FSTL1: variants seen among roughly 807,000 people sequenced by gnomAD.
FSTL1 encodes follistatin-related protein 1.
A neutral mutation model predicts 45.9 loss-of-function variants in FSTL1; 24 were observed. The observed-to-expected ratio is 0.52, with a 90% CI of 0.38 to 0.74. FSTL1 has a LOEUF of 0.74. FSTL1 is among the 30% of genes least tolerant of loss of function. FSTL1 has a pLI of 0.00. For missense variants in FSTL1, 340 were observed against 381.8 expected (o/e 0.89, Z 0.91); for synonymous variants, 120 against 137.6 (o/e 0.87, Z 0.89).
At chr3:120,402,440 ATTG>A (rs1293461166) in intron 9 of FSTL1, among the ~76,000 whole-genome samples, 140 of 151,862 alleles carry the variant, frequency 9.2e-4, no homozygotes, top group African/African-American at 3.2e-3. Flanking sequence ...AATAATAATT[ATTG>A]TTTTTATTTT....
chr3:120,429,548 A>G (rs927822880), intron 2 of FSTL1, among the ~76,000 whole-genome samples: 2 of 152,202 alleles, frequency 1.3e-5, no homozygotes, highest in South Asian at 2.1e-4. Flanking sequence ...CTAACCTGGT[A>G]TCTATGGGCC....
chr3:120,437,082 T>C (rs1937575159), intron 2 of FSTL1, among the ~76,000 whole-genome samples: 1 of 152,214 alleles, frequency 6.6e-6, no homozygotes, highest in Non-Finnish European at 1.5e-5. Context: ...AATTTCACAC[T>C]ACAGTTTAGG....
intron 2 of FSTL1, among the ~76,000 whole-genome samples, chr3:120,438,055 A>G (rs745433751): frequency 4.6e-5 from 7 of 152,166 alleles, no homozygotes; most frequent in Admixed American, 1.3e-4. Flanking sequence ...CATGATGAGA[A>G]AGTAATAAGA....
intron 2 of FSTL1, among the ~76,000 whole-genome samples, chr3:120,435,045 C>G (rs1353585762): frequency 6.6e-6 from 1 of 152,004 alleles, no homozygotes; most frequent in Non-Finnish European, 1.5e-5. Flanking sequence ...ATGGTGAAAC[C>G]CCATCTCTAC....
At chr3:120,438,278 A>C (rs1027015811) in intron 2 of FSTL1, 1 of 152,128 alleles carries the variant, frequency 6.6e-6, no homozygotes, top group Non-Finnish European at 1.5e-5. Context: ...TTTCCCCCCA[A>C]AATTTCTTGA....
intron 2 of FSTL1, among the ~76,000 whole-genome samples, chr3:120,441,616 G>A (rs1043015046): frequency 3.3e-5 from 5 of 152,354 alleles, no homozygotes; most frequent in Admixed American, 3.3e-4. Flanking sequence ...TGTATGCCAT[G>A]AACACACATA....
At chr3:120,435,571 T>C (rs1195734092) in intron 2 of FSTL1, among the ~76,000 whole-genome samples, 1 of 152,248 alleles carries the variant, frequency 6.6e-6, no homozygotes, top group Non-Finnish European at 1.5e-5. Context: ...ATATGGCTAC[T>C]GTCACATCTG....
intron 7 of FSTL1, among the ~76,000 whole-genome samples, chr3:120,403,973 C>CAA (rs57809249): frequency 1.9e-4 from 14 of 73,006 alleles, no homozygotes; most frequent in East Asian, 1.6e-3. Context: ...AAAACAAAAA[C>CAA]AAAAAAAAAC....
intron 2 of FSTL1, among the ~76,000 whole-genome samples, chr3:120,418,170 C>G (rs1376100254): frequency 6.6e-6 from 1 of 152,158 alleles, no homozygotes; most frequent in Non-Finnish European, 1.5e-5. Context: ...GTTATAACAA[C>G]TAATATTTGA....
rs1264771002 is a variant in FSTL1 at position 120,411,899 on chromosome 3, G to A, written c.253C>T (p.Leu85Phe). Residue 85 changes from leucine (L) to phenylalanine (F), a missense_variant, in exon 4 of 11, where the codon CTC (leucine) becomes TTC (phenylalanine). Physicochemically the swap from Leu to Phe is conservative, Grantham distance 22. Transcript: ENST00000295633. ...TCAACCTGGATTTTGGATCCAGTGA[G>A]GCAGGCATCTCGATGCAGTTCACAG... Reference protein sequence around the residue: ...NHCELHRDACLTGSKIQVDYD... With the variant: ...NHCELHRDACFTGSKIQVDYD... 6.2e-7 allele frequency: 1 copy of A among 1,613,808 alleles called. No individual in the cohort carries two copies. Among genetic ancestry groups the A allele is most frequent in the Admixed American group, 1.7e-5 (1 of 60,034 alleles).
intron 2 of FSTL1, among the ~76,000 whole-genome samples, chr3:120,423,016 C>T (rs890830915): frequency 6.6e-6 from 1 of 152,150 alleles, no homozygotes; most frequent in Non-Finnish European, 1.5e-5. Flanking sequence ...ATTTAATTAC[C>T]CTTTGATTAA....
intron 2 of FSTL1, among the ~76,000 whole-genome samples, chr3:120,428,006 G>A (rs1937412411): frequency 6.6e-6 from 1 of 152,180 alleles, no homozygotes; most frequent in Non-Finnish European, 1.5e-5. Flanking sequence ...CTTATTATCT[G>A]AGGCCAGTGC....
intron 2 of FSTL1, among the ~76,000 whole-genome samples, chr3:120,449,790 C>T (rs993052724): frequency 1.3e-5 from 2 of 152,174 alleles, no homozygotes; most frequent in Admixed American, 6.5e-5. Flanking sequence ...GGAGCTATTT[C>T]TTTTGTAATG....
At chr3:120,428,536 C>T (rs897852597) in intron 2 of FSTL1, among the ~76,000 whole-genome samples, 2 of 152,152 alleles carry the variant, frequency 1.3e-5, no homozygotes, top group Non-Finnish European at 2.9e-5. Context: ...AGTTTGAGAC[C>T]AGCCTGGCCA....
chr3:120,421,664 T>C (rs1439957561), intron 2 of FSTL1: 1 of 152,296 alleles, frequency 6.6e-6, no homozygotes, highest in Non-Finnish European at 1.5e-5. Flanking sequence ...AATGTGTTGG[T>C]ACATCCTGCA....
chr3:120,424,870 C>T (rs1367845570), intron 2 of FSTL1, among the ~76,000 whole-genome samples: 1 of 151,994 alleles, frequency 6.6e-6, no homozygotes, highest in Non-Finnish European at 1.5e-5. Context: ...GTTATGGACG[C>T]GTCTCAAGGA....
chr3:120,413,349 T>C (rs1937109295), intron 3 of FSTL1, among the ~76,000 whole-genome samples: 1 of 152,158 alleles, frequency 6.6e-6, no homozygotes, highest in African/African-American at 2.4e-5. Context: ...AAACCAAATG[T>C]GGGCACTGTC....
chr3:120,408,096 G>A (rs1232092433), intron 6 of FSTL1, among the ~76,000 whole-genome samples: 2 of 152,202 alleles, frequency 1.3e-5, no homozygotes, highest in Non-Finnish European at 2.9e-5. Context: ...GTAATTGCAG[G>A]GCAAAGTCAC....
chr3:120,409,523 C>T lies in FSTL1; in HGVS notation c.462+9G>A. On this transcript the variant is annotated intron_variant, in intron 6 of 10. Transcript: ENST00000295633. ...GGCCTGAATAGTCTTCCTCCTACCT[C>T]TGGATTACCTTAAAATACTTGTCTA... The T allele has an allele frequency of 6.2e-7, 1 of 1,613,482 alleles. No homozygotes were observed. Among genetic ancestry groups the T allele is most frequent in the Non-Finnish European group, 8.5e-7 (1 of 1,179,444 alleles).
Sources: gnomAD v4.1 joint callset for allele counts (sites outside exome capture counted in the v4.1 genomes callset) on GRCh38, gnomAD v4.1.1 for gene constraint, MANE v1.5 for transcripts, NCBI Gene and HGNC (gene_info 2026-07-23, HGNC 2026-07-21) for gene names.